Variants in C1orf21 observed in about 807,000 individuals in gnomAD.
The protein encoded by C1orf21 is uncharacterized protein C1orf21.
Under a neutral mutation model 18.7 loss-of-function variants are expected in C1orf21, and 3 were observed. The observed-to-expected ratio is 0.16, with a 90% CI of 0.07 to 0.42. The LOEUF (loss-of-function observed/expected upper bound fraction) is 0.42. C1orf21 is among the 10% of genes least tolerant of loss of function. The pLI, the probability that C1orf21 is intolerant of heterozygous loss-of-function variation, is 0.99. For missense variants in C1orf21, 104 were observed against 143.6 expected, an observed-to-expected ratio of 0.72 and a Z score of 1.41; for synonymous variants, 41 against 46.4, an observed-to-expected ratio of 0.88 and a Z score of 0.47.
chr1:184,543,209 A>G (rs551412932), intron 3 of C1orf21, among the ~76,000 whole-genome samples: 21 of 152,218 alleles, frequency 1.4e-4, no homozygotes, highest in African/African-American at 3.9e-4. Context: ...TAGCTGGGCT[A>G]GGTGGTGGTG....
intron 3 of C1orf21, among the ~76,000 whole-genome samples, chr1:184,513,943 G>T (rs1658187660): frequency 6.6e-6 from 1 of 152,198 alleles, no homozygotes; most frequent in Non-Finnish European, 1.5e-5. Context: ...TGCAGAAGGT[G>T]AATGTGCAGC....
chr1:184,446,900 C>A (rs181273085), intron 1 of C1orf21, among the ~76,000 whole-genome samples: 2 of 140,078 alleles, frequency 1.4e-5, no homozygotes, highest in African/African-American at 2.7e-5. Flanking sequence ...CGGGATGAAA[C>A]GATGACTTGA....
intron 2 of C1orf21, among the ~76,000 whole-genome samples, chr1:184,490,461 G>A (rs1657801037): frequency 6.6e-6 from 1 of 152,232 alleles, no homozygotes; most frequent in Non-Finnish European, 1.5e-5. Flanking sequence ...GGAGGTTTAG[G>A]CTGAGAGTCA....
At chr1:184,410,630 TATATATATATATATATATATATATATA>T (rs1656322707) in intron 1 of C1orf21, among the ~76,000 whole-genome samples, 1 of 2,832 alleles carries the variant, frequency 3.5e-4, no homozygotes, top group Non-Finnish European at 5.3e-4. Flanking sequence ...TATATATATA[TATATATATATATATATATATATATATA>T]TATATATTTT....
At chr1:184,451,030 A>G (rs1389108268) in intron 1 of C1orf21, among the ~76,000 whole-genome samples, 4 of 152,164 alleles carry the variant, frequency 2.6e-5, no homozygotes, top group African/African-American at 9.7e-5. Flanking sequence ...GGCACATGCC[A>G]TCACGCCCAG....
At chr1:184,577,765 T>G (rs1439186912) in intron 3 of C1orf21, among the ~76,000 whole-genome samples, 1 of 152,118 alleles carries the variant, frequency 6.6e-6, no homozygotes, top group Non-Finnish European at 1.5e-5. Context: ...AAATGGTGGG[T>G]TTTTATTTGT....
intron 3 of C1orf21, among the ~76,000 whole-genome samples, chr1:184,584,989 G>A (rs974673524): frequency 6.6e-6 from 1 of 152,114 alleles, no homozygotes; most frequent in African/African-American, 2.4e-5. Flanking sequence ...CTGGATTGTC[G>A]TGATGACTGC....
chr1:184,504,531 T>A (rs80063352), intron 2 of C1orf21, among the ~76,000 whole-genome samples: 1,539 of 152,312 alleles, frequency 0.01, 27 homozygotes, highest in African/African-American at 0.033. Flanking sequence ...GGCTGGTTGG[T>A]GAGGTAGGAC....
chr1:184,618,639 C>G (rs180958135), intron 5 of C1orf21, among the ~76,000 whole-genome samples: 4 of 144,168 alleles, frequency 2.8e-5, no homozygotes, highest in African/African-American at 7.6e-5. Flanking sequence ...AGAACATTCC[C>G]CCCCCCCAAG....
At chr1:184,463,100 A>AAAAAG (rs1657333383) in intron 1 of C1orf21, among the ~76,000 whole-genome samples, 1 of 151,218 alleles carries the variant, frequency 6.6e-6, no homozygotes, top group African/African-American at 2.4e-5. Context: ...AAAAAAAAAA[A>AAAAAG]AAGAAGAAGA....
rs1278698736 is a variant in C1orf21, at chr1:184,387,949, A to C, written c.-125+581A>C. On this transcript the variant is annotated intron_variant, in intron 1 of 5. Coordinates refer to ENST00000235307, the MANE Select transcript of C1orf21 (RefSeq NM_030806.4). This position sits in a 1 kb window ranked among gnomAD's most constrained non-coding sequence, Gnocchi z 5.6. ...CTCGTTTCGTTGCATCTGTTTGCCC[A>C]CCTCGGTGTATTTATTATTCGTGCC... 1.3e-5 allele frequency among the ~76,000 whole-genome samples: 2 copies of C among 152,026 alleles called. No homozygotes were observed. Among genetic ancestry groups the C allele is most frequent in the East Asian group, 3.9e-4 (2 of 5,160 alleles).
intron 3 of C1orf21, among the ~76,000 whole-genome samples, chr1:184,519,838 T>C (rs1023832173): frequency 6.6e-6 from 1 of 152,178 alleles, no homozygotes; most frequent in African/African-American, 2.4e-5. Flanking sequence ...TCGACTTCAT[T>C]TGTGAGCAAA....
Position 184,564,140 on chromosome 1 carries a change from C to A in C1orf21, c.190-26599C>A, listed in dbSNP as rs148294484. Among the ~76,000 whole-genome samples, 28 of 152,266 alleles carry A rather than the reference C, an allele frequency of 1.8e-4. No individual in the cohort carries two copies. The East Asian group carries it at 4.8e-3, about 26-fold the overall frequency. ...TTCAAACCCTCTGAGAGACCTTAGG[C>A]AAATTGCTGAAACTTGGTTTCCTCA... On this transcript the variant is annotated intron_variant, in intron 3 of 5. Transcript: ENST00000235307.
At chr1:184,519,689 A>G (rs570840268) in intron 3 of C1orf21, among the ~76,000 whole-genome samples, 1 of 152,342 alleles carries the variant, frequency 6.6e-6, no homozygotes, top group Admixed American at 6.5e-5. Context: ...AAACCACAGC[A>G]TATAAATTTC....
chr1:184,482,498 T>C (rs1477993799), intron 2 of C1orf21, among the ~76,000 whole-genome samples: 2 of 152,204 alleles, frequency 1.3e-5, no homozygotes. Flanking sequence ...CCAACGCCCA[T>C]TGCAAGAGGA....
At chr1:184,442,635 A>C (rs144129152) in intron 1 of C1orf21, among the ~76,000 whole-genome samples, 2 of 152,158 alleles carry the variant, frequency 1.3e-5, no homozygotes, top group South Asian at 4.1e-4. Context: ...TGAGTGATTG[A>C]GAAAGTTATT....
At chr1:184,388,505 C>G (rs997396403) in intron 1 of C1orf21, among the ~76,000 whole-genome samples, 5 of 152,060 alleles carry the variant, frequency 3.3e-5, no homozygotes, top group Non-Finnish European at 4.4e-5. Flanking sequence ...GTTACTGAAG[C>G]AATTCTGAAA....
chr1:184,610,369 C>T (rs1336406557), intron 5 of C1orf21, among the ~76,000 whole-genome samples: 1 of 152,198 alleles, frequency 6.6e-6, no homozygotes, highest in East Asian at 1.9e-4. Flanking sequence ...TACTGTGGCC[C>T]TTCCCAGAGG....
At chr1:184,575,360 T>C (rs1446746256) in intron 3 of C1orf21, among the ~76,000 whole-genome samples, 1 of 152,096 alleles carries the variant, frequency 6.6e-6, no homozygotes, top group African/African-American at 2.4e-5. Context: ...CAGAGATGAC[T>C]CTTGTATTAG....
Sources: allele counts gnomAD v4.1 joint callset (sites outside exome capture counted in the v4.1 genomes callset), GRCh38; gene constraint gnomAD v4.1.1; non-coding constraint Gnocchi (gnomAD v3.1); transcripts MANE v1.5; gene names NCBI Gene and HGNC (gene_info 2026-07-23, HGNC 2026-07-21).